Variants in NRCAM observed in about 807,000 individuals in gnomAD.
NRCAM encodes the protein NgCAM-related cell adhesion molecule.
In NRCAM, 83 loss-of-function variants were observed where a neutral mutation model predicts 156.5. The ratio of observed to expected loss-of-function variants is 0.53; its 90% confidence interval spans 0.44 to 0.64. NRCAM has a LOEUF of 0.64. Ranked by LOEUF, NRCAM falls within the 30% of genes least tolerant of loss-of-function variation. The probability of loss-of-function intolerance (pLI) is 0.00; values close to 1 mark genes in which losing one functional copy is unlikely to be tolerated. For synonymous variants in NRCAM, 538 were observed against 563.9 expected (o/e 0.95, Z 0.65); for missense variants, 1,417 against 1,597.3 (o/e 0.89, Z 1.92).
At chr7:108,392,185 A>C (rs575749028) in intron 2 of NRCAM, among the ~76,000 whole-genome samples, 1 of 152,096 alleles carries the variant, frequency 6.6e-6, no homozygotes, top group Non-Finnish European at 1.5e-5. Flanking sequence ...ACTTGGTTCC[A>C]TTCTCCTCGT....
chr7:108,198,784 G>A (rs574488996), intron 13 of NRCAM, among the ~76,000 whole-genome samples: 5 of 152,324 alleles, frequency 3.3e-5, no homozygotes, highest in African/African-American at 1.2e-4. Context: ...TCTTGAAGCT[G>A]AAGTATAAAT....
At chr7:108,389,132 C>G (rs1007129834) in intron 2 of NRCAM, among the ~76,000 whole-genome samples, 3 of 152,130 alleles carry the variant, frequency 2.0e-5, no homozygotes, top group African/African-American at 7.2e-5. Context: ...GGCATTGAAT[C>G]TATAAATTAC....
intron 1 of NRCAM, among the ~76,000 whole-genome samples, chr7:108,411,061 T>C (rs749061133): frequency 6.6e-6 from 1 of 152,198 alleles, no homozygotes; most frequent in Non-Finnish European, 1.5e-5. Context: ...GTTGATACTT[T>C]TTCCAACTTT....
At chr7:108,332,181 G>C (rs1017882836) in intron 2 of NRCAM, among the ~76,000 whole-genome samples, 2 of 152,144 alleles carry the variant, frequency 1.3e-5, no homozygotes, top group African/African-American at 4.8e-5. Context: ...CAGAGACCCA[G>C]GAACCCCACA....
rs2039665241 is a variant in NRCAM at position 108,148,001 on chromosome 7, G to A, written c.*1909C>T. 6.6e-6 allele frequency: 1 copy of A among 152,514 alleles called. No homozygotes were observed. Among genetic ancestry groups the A allele is most frequent in the Admixed American group, 6.5e-5 (1 of 15,276 alleles). 9.4% of individuals were successfully genotyped at this position (152,514 alleles called of 1,614,324 possible). A position where few individuals can be genotyped will look rare whatever the true frequency, so the allele number is the denominator to read the frequency against. On this transcript the variant is annotated 3_prime_UTR_variant, in exon 33 of 33. Transcript: ENST00000379028. ...CTTTTTATATTTTCAAGAGACAGGT[G>A]GATCTGTGAAAAATGAATATAGAGA...
intron 1 of NRCAM, among the ~76,000 whole-genome samples, chr7:108,438,237 A>G (rs1463870845): frequency 6.6e-6 from 1 of 152,130 alleles, no homozygotes; most frequent in African/African-American, 2.4e-5. Flanking sequence ...CCAGAAAACT[A>G]CATATCAACA....
chr7:108,362,821 T>C (rs954384766), intron 2 of NRCAM, among the ~76,000 whole-genome samples: 30 of 152,192 alleles, frequency 2.0e-4, no homozygotes, highest in African/African-American at 6.8e-4. Flanking sequence ...TGCATTTCCG[T>C]ATTTCCTACT....
At position 108,207,584 on chromosome 7, in the gene NRCAM, G is replaced by C; in HGVS notation, c.1151C>G (p.Ala384Gly). Reference sequence around the variant, plus strand: ...AATTCTGGGTTTGGGGTTGCCATTAGCTCTGCAGATCAAGGTCCCATCCTC... The same window carrying C: ...AATTCTGGGTTTGGGGTTGCCATTACCTCTGCAGATCAAGGTCCCATCCTC... ...PGEDGTLICR[A>G]NGNPKPRISW... Residue 384 changes from alanine to glycine, a missense_variant, in exon 13 of 33, where the codon GCT (alanine) becomes GGT (glycine). Coordinates refer to ENST00000379028, the MANE Select transcript of NRCAM (RefSeq NM_001037132.4). 1 of 1,613,944 alleles carries C rather than the reference G, an allele frequency of 6.2e-7. No homozygotes were observed. Among genetic ancestry groups the C allele is most frequent in the Non-Finnish European group, 8.5e-7 (1 of 1,179,866 alleles).
chr7:108,248,847 G>A (rs916134673), intron 3 of NRCAM, among the ~76,000 whole-genome samples: 1 of 152,126 alleles, frequency 6.6e-6, no homozygotes, highest in Non-Finnish European at 1.5e-5. Flanking sequence ...CTGCCACGGG[G>A]AGCATGGCCT....
chr7:108,363,616 T>C (rs1275917711), intron 2 of NRCAM, among the ~76,000 whole-genome samples: 2 of 152,262 alleles, frequency 1.3e-5, no homozygotes, highest in East Asian at 1.9e-4. Flanking sequence ...TATGGAAGGA[T>C]TGGGTAGTCT....
At chr7:108,407,345 T>A (rs1013290710) in intron 1 of NRCAM, among the ~76,000 whole-genome samples, 1 of 152,236 alleles carries the variant, frequency 6.6e-6, no homozygotes. Flanking sequence ...TTATTCCAAC[T>A]GGCTGACTTT....
chr7:108,343,382 C>T (rs1022045331), intron 2 of NRCAM, among the ~76,000 whole-genome samples: 2 of 152,074 alleles, frequency 1.3e-5, no homozygotes, highest in Admixed American at 6.5e-5. Flanking sequence ...TTATTATTGG[C>T]GGTACAGAAA....
chr7:108,296,584 G>A (rs1476836852), intron 3 of NRCAM, among the ~76,000 whole-genome samples: 1 of 152,146 alleles, frequency 6.6e-6, no homozygotes, highest in Non-Finnish European at 1.5e-5. Flanking sequence ...GATGGTTTTT[G>A]GAGGGAGGGG....
intron 2 of NRCAM, among the ~76,000 whole-genome samples, chr7:108,391,156 T>C (rs1337216281): frequency 1.3e-5 from 2 of 152,132 alleles, no homozygotes; most frequent in African/African-American, 2.4e-5. Context: ...TTGATCTGTC[T>C]AATGTTGACA....
intron 2 of NRCAM, among the ~76,000 whole-genome samples, chr7:108,331,837 GT>G (rs2099130175): frequency 6.6e-6 from 1 of 152,114 alleles, no homozygotes; most frequent in Admixed American, 6.5e-5. Context: ...TTCATTGCCA[GT>G]TTTTTTCTGC....
intron 2 of NRCAM, among the ~76,000 whole-genome samples, chr7:108,379,140 T>C (rs1595735932): frequency 6.6e-6 from 1 of 152,010 alleles, no homozygotes; most frequent in South Asian, 2.1e-4. Flanking sequence ...CTAGAAACAC[T>C]AGCCACCACA....
At chr7:108,190,739 C>G (rs549977958) in intron 19 of NRCAM, among the ~76,000 whole-genome samples, 2 of 152,240 alleles carry the variant, frequency 1.3e-5, no homozygotes, top group African/African-American at 2.4e-5. Context: ...AGTGATTTGT[C>G]TTTTGTTAAC....
intron 30 of NRCAM, among the ~76,000 whole-genome samples, chr7:108,165,531 A>T (rs2053477140): frequency 6.6e-6 from 1 of 152,218 alleles, no homozygotes; most frequent in South Asian, 2.1e-4. Flanking sequence ...AAAAGTTATC[A>T]ATAACAAACA....
chr7:108,423,994 T>C (rs570426421), intron 1 of NRCAM, among the ~76,000 whole-genome samples: 11 of 152,382 alleles, frequency 7.2e-5, no homozygotes, highest in African/African-American at 2.6e-4. Flanking sequence ...CTCTTCTCCA[T>C]GTGCTTCTCC....
Sources: allele counts gnomAD v4.1 joint callset (sites outside exome capture counted in the v4.1 genomes callset), GRCh38; gene constraint gnomAD v4.1.1; transcripts MANE v1.5; gene names NCBI Gene and HGNC (gene_info 2026-07-23, HGNC 2026-07-21).